Variants in POT1 observed in about 807,000 individuals in gnomAD.
The protein encoded by POT1 is protection of telomeres protein 1.
In POT1, 47 loss-of-function variants were observed where a neutral mutation model predicts 78.5. The ratio of observed to expected loss-of-function variants is 0.60; its 90% CI spans 0.47 to 0.76. POT1 has a LOEUF of 0.76. POT1 is among the 30% of genes least tolerant of loss of function. The pLI is 0.00. For missense variants in POT1, 646 were observed against 749.9 expected (o/e 0.86, Z 1.62); for synonymous variants, 259 against 260.7 (o/e 0.99, Z 0.06).
chr7:124,901,786 C>T (rs180784341), intron 3 of POT1, among the ~76,000 whole-genome samples: 176 of 152,184 alleles, frequency 1.2e-3, no homozygotes, highest in Non-Finnish European at 1.5e-3. Flanking sequence ...ACCTTGAAAA[C>T]AGATTAGACG....
chr7:124,924,032 A>G (rs908621373), intron 2 of POT1, among the ~76,000 whole-genome samples: 3 of 151,632 alleles, frequency 2.0e-5, no homozygotes, highest in African/African-American at 7.3e-5. Flanking sequence ...AAGTAGAAAG[A>G]TCACAAATTA....
At chr7:124,884,548 A>T (rs1326224713) in intron 6 of POT1, among the ~76,000 whole-genome samples, 2 of 152,154 alleles carry the variant, frequency 1.3e-5, no homozygotes, top group Admixed American at 6.5e-5. Flanking sequence ...GAGGTAAGGT[A>T]GTGAGCCCAC....
Position 124,823,483 on chromosome 7 carries a change from T to C in POT1, c.*479A>G, listed in dbSNP as rs1319908336. On this transcript the variant is annotated 3_prime_UTR_variant, in exon 19 of 19. Coordinates refer to ENST00000357628, the MANE Select transcript of POT1 (RefSeq NM_015450.3). ...AGTTGTAATAGCGGCATATTTTACA[T>C]GAGACTATTAGAAAAGGATAATATT... The C allele has an allele frequency of 6.6e-6, 1 of 152,186 alleles. No individual in the cohort carries two copies. The highest frequency in any genetic ancestry group is 2.1e-4 in the South Asian group (1 of 4,836). The allele number at this position is 152,186 out of a possible 1,614,324, so 9.4% of individuals were successfully genotyped here. A position where few individuals can be genotyped will look rare whatever the true frequency, so the allele number is the denominator to read the frequency against.
chr7:124,849,614 C>T (rs1795255619), intron 11 of POT1, among the ~76,000 whole-genome samples: 1 of 152,070 alleles, frequency 6.6e-6, no homozygotes, highest in African/African-American at 2.4e-5. Context: ...ATACATCGAC[C>T]TCACTTTTAG....
chr7:124,891,191 C>A (rs566562726), intron 6 of POT1, among the ~76,000 whole-genome samples: 3 of 151,626 alleles, frequency 2.0e-5, no homozygotes, highest in Non-Finnish European at 3.0e-5. Flanking sequence ...ATGGATTAAG[C>A]GCTCTGATGT....
At chr7:124,827,575 C>A (rs1475604339) in intron 16 of POT1, among the ~76,000 whole-genome samples, 1 of 152,150 alleles carries the variant, frequency 6.6e-6, no homozygotes, top group African/African-American at 2.4e-5. Flanking sequence ...GCGCTGATTG[C>A]TGTGGTGGCA....
intron 3 of POT1, among the ~76,000 whole-genome samples, chr7:124,904,804 G>A (rs537258140): frequency 4.6e-5 from 7 of 152,222 alleles, no homozygotes; most frequent in East Asian, 3.9e-4. Flanking sequence ...CAAAGTCTCC[G>A]GATACAAAAT....
At chr7:124,897,058 C>A in intron 5 of POT1, 107 bp downstream of exon 5, 1 of 563,694 alleles carries the variant, frequency 1.8e-6, no homozygotes, top group Non-Finnish European at 3.0e-6. Flanking sequence ...GATAATATAT[C>A]AATATCAGAC....
At chr7:124,895,889 T>C (rs962866658) in intron 5 of POT1, among the ~76,000 whole-genome samples, 11 of 151,728 alleles carry the variant, frequency 7.2e-5, no homozygotes, top group Middle Eastern at 6.8e-3. Flanking sequence ...ATAGTTTATA[T>C]TGGGCCTTCA....
intron 7 of POT1, among the ~76,000 whole-genome samples, chr7:124,865,247 A>G (rs1795691988): frequency 6.6e-6 from 1 of 151,964 alleles, no homozygotes; most frequent in East Asian, 1.9e-4. Flanking sequence ...CTCTTTCTCA[A>G]TGGTTTCACA....
rs769997937 is a variant in POT1, at chr7:124,841,174, C to T, written c.1168G>A (p.Glu390Lys). The T allele has an allele frequency of 2.5e-5, 41 of 1,610,110 alleles. No homozygotes were observed. In the South Asian group the frequency reaches 4.3e-4, roughly 17 times the overall value. Residue 390 changes from glutamate to lysine, a missense_variant, in exon 14 of 19, where the codon GAA becomes AAA. Physicochemically the swap from Glu to Lys is moderately conservative, Grantham distance 56. This residue lies in a region of POT1 where 394 missense variants were observed against 408.4 expected (regional missense o/e 0.96). Transcript: ENST00000357628. ...LHCPKCHLLQ[E>K]VPHEGDLDII... is the part of the protein sequence containing the mutation. ...TCCAAATCGCCCTCATGTGGAACTT[C>T]TTGCCTAAAATTATTGGCAATGAAA...
At chr7:124,849,915 A>T (rs1480366921) in intron 11 of POT1, among the ~76,000 whole-genome samples, 1 of 152,166 alleles carries the variant, frequency 6.6e-6, no homozygotes, top group Admixed American at 6.5e-5. Context: ...ATATAGGTAT[A>T]TATGTTTGTA....
intron 3 of POT1, among the ~76,000 whole-genome samples, chr7:124,902,921 A>C (rs544088142): frequency 9.2e-5 from 14 of 152,220 alleles, no homozygotes; most frequent in Admixed American, 6.5e-5. Context: ...ATCAGAAGAG[A>C]CACAGAAGGC....
intron 12 of POT1, among the ~76,000 whole-genome samples, chr7:124,846,491 T>A (rs1452862297): frequency 6.6e-6 from 1 of 152,052 alleles, no homozygotes; most frequent in African/African-American, 2.4e-5. Context: ...AGACACACTA[T>A]CATTACTAAC....
intron 14 of POT1, chr7:124,840,600 C>T (rs1401085776): frequency 6.5e-6 from 1 of 154,492 alleles, no homozygotes; most frequent in Non-Finnish European, 1.4e-5. Context: ...TGACTTTCAC[C>T]CTATTTCTAT....
intron 2 of POT1, among the ~76,000 whole-genome samples, chr7:124,917,495 A>G (rs56356267): frequency 0.22 from 32,931 of 152,066 alleles, 3,989 homozygotes; most frequent in East Asian, 0.3. Flanking sequence ...CTAAAGGCCT[A>G]GCACAAAGAA....
chr7:124,839,828 A>G (rs1794983355), intron 14 of POT1, among the ~76,000 whole-genome samples: 2 of 152,100 alleles, frequency 1.3e-5, no homozygotes, highest in South Asian at 4.1e-4. Context: ...CAAGAAACCT[A>G]TTTTAAAAAA....
rs1795855729 is a variant in POT1, at chr7:124,871,029, A to G, written c.137T>C (p.Val46Ala). Residue 46 changes from valine (V) to alanine (A), a missense_variant, in exon 7 of 19, where the codon GTT becomes GCT. Physicochemically the swap from Val to Ala is moderately conservative, Grantham distance 64. This residue lies in a region of POT1 where 252 missense variants were observed against 341.4 expected (regional missense o/e 0.74). Coordinates refer to ENST00000357628, the MANE Select transcript of POT1 (RefSeq NM_015450.3). ...YLSKGTDYCS[V>A]VTIVDQTNVK... ...ATTTGTCTGGTCCACAATAGTTACAACTGAGCAATAATCTGGAAAACACAA... is the reference window on the plus strand; with the variant it reads ...ATTTGTCTGGTCCACAATAGTTACAGCTGAGCAATAATCTGGAAAACACAA... 1.3e-6 allele frequency: 2 copies of G among 1,589,542 alleles called. No homozygotes were observed. Among genetic ancestry groups the G allele is most frequent in the Non-Finnish European group, 1.7e-6 (2 of 1,168,484 alleles).
chr7:124,851,719 T>C (rs534883986), intron 11 of POT1, 153 bp downstream of exon 11: 5 of 631,810 alleles, frequency 7.9e-6, no homozygotes, highest in Admixed American at 3.2e-5. Flanking sequence ...GTTTACTTTT[T>C]GGCATAGGCC....
Sources: allele counts gnomAD v4.1 joint callset (sites outside exome capture counted in the v4.1 genomes callset), GRCh38; gene constraint gnomAD v4.1.1; regional missense constraint gnomAD v4.1.1; transcripts MANE v1.5; gene names NCBI Gene and HGNC (gene_info 2026-07-23, HGNC 2026-07-21).